The following DHX29 variants were observed in gnomAD, a reference collection of about 807,000 sequenced individuals.
DHX29 encodes the protein DExH-box helicase 29, also known as ATP-dependent RNA helicase DHX29.
A neutral mutation model predicts 167.9 loss-of-function variants in DHX29; 79 were observed. The observed-to-expected ratio is 0.47, with a 90% confidence interval of 0.39 to 0.57. The LOEUF (loss-of-function observed/expected upper bound fraction) is 0.57, where lower values mean the gene tolerates loss of function less well. Ranked by LOEUF, DHX29 falls within the 20% of genes least tolerant of loss-of-function variation. DHX29 has a pLI of 0.00. For missense variants in DHX29, 1,347 were observed against 1,593.4 expected (o/e 0.85, Z 2.63); for synonymous variants, 530 against 546.0 (o/e 0.97, Z 0.41).
chr5:55,270,022 C>A (rs1374754969), intron 20 of DHX29, among the ~76,000 whole-genome samples: 1 of 151,938 alleles, frequency 6.6e-6, no homozygotes. Context: ...CTGGATAATT[C>A]TTTGTTTTAG....
At position 55,277,703 on chromosome 5, in the gene DHX29, T is replaced by G. The variant is rs1747189700; in HGVS notation, c.2110-421A>C. ...GGCGGATAACCTGACATCGGGAGTT[T>G]GAGACCAGCCTGGCCAACATGACGA... On this transcript the variant is annotated intron_variant, in intron 12 of 26. Transcript: ENST00000251636. Among the ~76,000 whole-genome samples the G allele has an allele frequency of 2.0e-5, 3 of 152,002 alleles. No homozygotes were observed. In the South Asian group the frequency reaches 6.2e-4, roughly 32 times the overall value.
rs1391940541 is a variant in DHX29, at chr5:55,256,357, C to T, written c.*131G>A. The T allele has an allele frequency of 1.5e-6, 1 of 663,100 alleles. No homozygotes were observed. Among genetic ancestry groups the T allele is most frequent in the Non-Finnish European group, 2.3e-6 (1 of 430,406 alleles). The allele number at this position is 663,100 out of a possible 1,614,324, so 41.1% of individuals were successfully genotyped here. On this transcript the variant is annotated 3_prime_UTR_variant, in exon 27 of 27. Transcript: ENST00000251636. The stretch of plus-strand genomic sequence containing the variant: ...GTTTAAAGTATGTGCTTTTTTCCCA[C>T]CACCTTTAAGTTAATGGCTAGTACC...
chr5:55,262,827 G>A lies in DHX29; in HGVS notation c.3631C>T (p.Gln1211Ter). The change falls in exon 24 of 27, where the codon CAA (glutamine) becomes TAA (stop). Residue 1211 changes from glutamine to a stop codon, truncating the protein, a stop_gained. Transcript: ENST00000251636. LOFTEE classifies it high-confidence loss of function. ...GNRASQTLSF[Q>*]EIALLKAVLV... ...ACAGCTTTAAGAAGGGCAATTTCTT[G>A]GAATGAGAGGGTCTGTGAGGCTCTG... 6.2e-7 allele frequency: 1 copy of A among 1,614,074 alleles called. No homozygotes were observed. Among genetic ancestry groups the A allele is most frequent in the Non-Finnish European group, 8.5e-7 (1 of 1,179,972 alleles).
At chr5:55,298,756 C>T (rs550453865) in intron 1 of DHX29, 92 bp from the exon 2 acceptor site, 13 of 620,214 alleles carry the variant, frequency 2.1e-5, no homozygotes, top group Admixed American at 5.1e-5. Context: ...TTAGGCCGGG[C>T]GCGGTGGCTC....
rs773678328 is a variant in DHX29, at chr5:55,267,125, T to C, written c.3525+13A>G. On this transcript the variant is annotated intron_variant, in intron 23 of 26. Coordinates refer to ENST00000251636, the MANE Select transcript of DHX29 (RefSeq NM_019030.4). Reference sequence around the variant, plus strand: ...CCCATGACTCTGAGTGAGAGATCCATATTAAGAATTACCTCTAGGGTTAAC... The same window carrying C: ...CCCATGACTCTGAGTGAGAGATCCACATTAAGAATTACCTCTAGGGTTAAC... The C allele has an allele frequency of 5.2e-6, 8 of 1,542,246 alleles. No homozygotes were observed. Among genetic ancestry groups the C allele is most frequent in the Non-Finnish European group, 5.3e-6 (6 of 1,122,174 alleles).
chr5:55,299,965 C>T (rs1397379319), intron 1 of DHX29, among the ~76,000 whole-genome samples: 2 of 152,308 alleles, frequency 1.3e-5, no homozygotes, highest in East Asian at 3.9e-4. Context: ...TGACCCCTTA[C>T]TCTCTTAAAA....
At chr5:55,281,117 T>TACAC (rs10592968) in intron 12 of DHX29, among the ~76,000 whole-genome samples, 12 of 149,984 alleles carry the variant, frequency 8.0e-5, no homozygotes, top group African/African-American at 2.9e-4. Flanking sequence ...TATATATATG[T>TACAC]ACACACACAC....
chr5:55,258,621 G>A (rs1445953974), intron 26 of DHX29, among the ~76,000 whole-genome samples: 1 of 152,108 alleles, frequency 6.6e-6, no homozygotes, highest in East Asian at 1.9e-4. Flanking sequence ...ATTTTTTGAT[G>A]TGGGGTCTTG....
Position 55,285,684 on chromosome 5 carries a change from C to CA in DHX29, c.1232+11dup. 6.5e-7 allele frequency: 1 copy of CA among 1,546,416 alleles called. No homozygotes were observed. The highest frequency in any genetic ancestry group is 1.2e-5 in the South Asian group (1 of 81,516). On this transcript the variant is annotated intron_variant, in intron 9 of 26. Coordinates refer to ENST00000251636, the MANE Select transcript of DHX29 (RefSeq NM_019030.4). ...TTCAGTTAATTAAAAACAACAACAACAAAAAACATACCTACATTTCCAGTA... is the reference window on the plus strand; with the variant it reads ...TTCAGTTAATTAAAAACAACAACAACAAAAAAACATACCTACATTTCCAGTA...
chr5:55,267,614 A>T, intron 22 of DHX29, 72 bp downstream of exon 22: 1 of 1,362,524 alleles, frequency 7.3e-7, no homozygotes, highest in Non-Finnish European at 9.9e-7. Flanking sequence ...TTAATAAGTC[A>T]AAGGTAATAT....
intron 25 of DHX29, 49 bp from the exon 26 acceptor site, chr5:55,259,993 G>A: frequency 9.1e-7 from 1 of 1,098,580 alleles, no homozygotes; most frequent in Non-Finnish European, 1.4e-6. Context: ...AGGGCAGTGT[G>A]AATGTGTTTA....
chr5:55,271,100 G>A (rs1746834413), intron 18 of DHX29, among the ~76,000 whole-genome samples: 1 of 152,092 alleles, frequency 6.6e-6, no homozygotes, highest in Non-Finnish European at 1.5e-5. Context: ...TTCTCTAGAG[G>A]TACAATTCAA....
At chr5:55,270,274 G>A in intron 20 of DHX29, 138 bp downstream of exon 20, 1 of 943,928 alleles carries the variant, frequency 1.1e-6, no homozygotes, top group Non-Finnish European at 1.6e-6. Context: ...CTTATAATAA[G>A]ATGGATAAGG....
In DHX29 at chr5:55,256,416, A is replaced by T; in HGVS notation, c.*72T>A. The T allele has an allele frequency of 3.0e-6, 4 of 1,346,388 alleles. No homozygotes were observed. Among genetic ancestry groups the T allele is most frequent in the Non-Finnish European group, 4.1e-6 (4 of 980,368 alleles). The allele number at this position is 1,346,388 out of a possible 1,614,324, so 83.4% of individuals were successfully genotyped here. A position where few individuals can be genotyped will look rare whatever the true frequency, so the allele number is the denominator to read the frequency against. ...AAGTAATGAAATACTTAATGTGATG[A>T]CCCATTTTCAGATAATTTCATGACT... On this transcript the variant is annotated 3_prime_UTR_variant, in exon 27 of 27. Transcript: ENST00000251636.
chr5:55,273,305 T>C lies in DHX29; in HGVS notation c.2763A>G (p.Pro921=), dbSNP rs955116604. The change falls in exon 17 of 27, where the codon CCA becomes CCG. Residue 921 remains proline (P), a synonymous_variant. Transcript: ENST00000251636. ...DQAAAFTLPP[P]GVRKIVLATN... is the part of the protein sequence containing the mutation. ...TACTAAATTTTACCTTCCTGACTCC[T>C]GGAGGGGGAAGTGTGAATGCTGCAG... is the stretch of plus-strand genomic sequence containing the variant. 14 of 1,597,806 alleles carry C rather than the reference T, an allele frequency of 8.8e-6. No homozygotes were observed. The highest frequency in any genetic ancestry group is 1.7e-5 in the Admixed American group (1 of 59,054).
At position 55,295,333 on chromosome 5, in the gene DHX29, T is replaced by C. The variant is rs780855672; in HGVS notation, c.651+46A>G. The C allele has an allele frequency of 1.7e-5, 24 of 1,404,756 alleles. No homozygotes were observed. The African/African-American group carries it at 3.4e-4, about 20-fold the overall frequency. The allele number at this position is 1,404,756 out of a possible 1,614,324, so 87.0% of individuals were successfully genotyped here. ...ATACTCTTTGAACTGTTACATGTGC[T>C]CCATTCTGATTTTATACAACTTTAA... On this transcript the variant is annotated intron_variant, in intron 5 of 26. Coordinates refer to ENST00000251636, the MANE Select transcript of DHX29 (RefSeq NM_019030.4).
intron 22 of DHX29, 128 bp from the exon 23 acceptor site, chr5:55,267,359 G>C (rs1746631290): frequency 8.9e-6 from 6 of 675,900 alleles, no homozygotes; most frequent in Non-Finnish European, 1.5e-5. Flanking sequence ...GATCTTGCTT[G>C]TAGCAGCTAC....
At chr5:55,267,341 A>C (rs1746629439) in intron 22 of DHX29, 110 bp from the exon 23 acceptor site, 2 of 784,434 alleles carry the variant, frequency 2.5e-6, no homozygotes, top group Non-Finnish European at 4.0e-6. Context: ...TAATTTTAAA[A>C]GGGGAGGGAT....
intron 21 of DHX29, 138 bp downstream of exon 21, chr5:55,269,275 C>CA: frequency 1.4e-6 from 1 of 693,052 alleles, no homozygotes; most frequent in East Asian, 3.0e-5. Flanking sequence ...TTCAAGCATT[C>CA]AGGCCCTCTC....
Sources: gnomAD v4.1 joint callset for allele counts (sites outside exome capture counted in the v4.1 genomes callset) on GRCh38, gnomAD v4.1.1 for gene constraint, MANE v1.5 for transcripts, NCBI Gene and HGNC (gene_info 2026-07-23, HGNC 2026-07-21) for gene names.